SORBS2: variants seen among roughly 807,000 people sequenced by gnomAD.
The protein encoded by SORBS2 is sorbin and SH3 domain-containing protein 2.
A neutral mutation model predicts 97.7 loss-of-function variants in SORBS2; 46 were observed. The observed-to-expected ratio is 0.47, with a 90% CI of 0.37 to 0.60. The LOEUF (loss-of-function observed/expected upper bound fraction) is 0.60. Ranked by LOEUF, SORBS2 falls within the 20% of genes least tolerant of loss-of-function variation. The probability of loss-of-function intolerance (pLI) is 0.00; values close to 1 mark genes in which losing one functional copy is unlikely to be tolerated. For missense variants in SORBS2, 1,316 were observed against 1,282.3 expected (o/e 1.03, Z -0.40); for synonymous variants, 476 against 473.4 (o/e 1.01, Z -0.07).
intron 1 of SORBS2, among the ~76,000 whole-genome samples, chr4:185,883,703 T>A (rs2099237975): frequency 6.6e-6 from 1 of 152,182 alleles, no homozygotes; most frequent in African/African-American, 2.4e-5. Context: ...ACAAATTAAA[T>A]TATCCGGGTG....
At chr4:185,858,806 ATG>A (rs1414730779) in intron 1 of SORBS2, among the ~76,000 whole-genome samples, 1 of 152,248 alleles carries the variant, frequency 6.6e-6, no homozygotes, top group East Asian at 1.9e-4. Flanking sequence ...TATGGAAAAA[ATG>A]TGACAACTTT....
chr4:185,817,685 C>T (rs1203988994), intron 1 of SORBS2, among the ~76,000 whole-genome samples: 1 of 152,298 alleles, frequency 6.6e-6, no homozygotes, highest in Non-Finnish European at 1.5e-5. Context: ...GCAAACAAAA[C>T]CTGGCAAGAA....
At chr4:185,910,706 G>A (rs527385247) in intron 1 of SORBS2, among the ~76,000 whole-genome samples, 27 of 152,116 alleles carry the variant, frequency 1.8e-4, no homozygotes, top group Admixed American at 1.2e-3. Flanking sequence ...CTCCTGAGTC[G>A]CCGAGATGGC....
rs2086715741 is a variant in SORBS2 at position 185,752,826 on chromosome 4, T to G, written c.-198+22401A>C. Among the ~76,000 whole-genome samples the G allele has an allele frequency of 2.0e-5, 3 of 152,234 alleles. No individual in the cohort carries two copies. In the South Asian group the frequency reaches 6.2e-4, roughly 31 times the overall value. On this transcript the variant is annotated intron_variant, in intron 2 of 20. Transcript: ENST00000284776. The stretch of plus-strand genomic sequence containing the variant: ...CAAATTGCTAATGAATTCTGACCCA[T>G]TTAGTCATGCAAAATATATATCCTG...
chr4:185,884,483 A>G (rs894522037), intron 1 of SORBS2, among the ~76,000 whole-genome samples: 3 of 152,178 alleles, frequency 2.0e-5, no homozygotes, highest in Non-Finnish European at 2.9e-5. Context: ...ATTTTTGCTA[A>G]GGGCTCAAAA....
chr4:185,918,951 C>A (rs916194511), intron 1 of SORBS2, among the ~76,000 whole-genome samples: 7 of 152,180 alleles, frequency 4.6e-5, no homozygotes, highest in African/African-American at 1.7e-4. Context: ...ACAGATGCAG[C>A]ATTTGATGTA....
chr4:185,808,605 G>GT (rs2099166497), intron 1 of SORBS2, among the ~76,000 whole-genome samples: 1 of 152,096 alleles, frequency 6.6e-6, no homozygotes, highest in African/African-American at 2.4e-5. Context: ...CCTTACCCAG[G>GT]TACTCAAGTT....
At chr4:185,593,028 A>T (rs183137094) in intron 13 of SORBS2, 91 of 152,360 alleles carry the variant, frequency 6.0e-4, no homozygotes, top group African/African-American at 2.0e-3. Flanking sequence ...ACCAGGTCAT[A>T]TGCCAGGACC....
intron 4 of SORBS2, chr4:185,677,276 G>GT (rs2153498214): frequency 6.4e-7 from 1 of 1,552,074 alleles, no homozygotes; most frequent in African/African-American, 1.4e-5. Flanking sequence ...CTAGATCCTG[G>GT]TTATGGGTTA....
chr4:185,594,285 T>C (rs536198747), intron 12 of SORBS2, among the ~76,000 whole-genome samples: 1 of 152,158 alleles, frequency 6.6e-6, no homozygotes, highest in African/African-American at 2.4e-5. Flanking sequence ...TATAGACACC[T>C]TCATACAACC....
chr4:185,886,321 C>T (rs529794298), intron 1 of SORBS2, among the ~76,000 whole-genome samples: 4 of 151,990 alleles, frequency 2.6e-5, no homozygotes, highest in Non-Finnish European at 4.4e-5. Context: ...TTCAGGAGGC[C>T]GAGGTGGGCA....
At chr4:185,810,145 A>G (rs561965262) in intron 1 of SORBS2, among the ~76,000 whole-genome samples, 15 of 152,248 alleles carry the variant, frequency 9.9e-5, no homozygotes, top group Non-Finnish European at 2.2e-4. Context: ...TTTATCCCCT[A>G]CAACCCGCAT....
chr4:185,875,677 C>T (rs1263510844), intron 1 of SORBS2, among the ~76,000 whole-genome samples: 3 of 152,252 alleles, frequency 2.0e-5, no homozygotes, highest in African/African-American at 7.2e-5. Flanking sequence ...TTGCAGCCCT[C>T]TGCTCCCTTT....
At chr4:185,646,360 T>A (rs1175364255) in intron 4 of SORBS2, 2 of 200,292 alleles carry the variant, frequency 1.0e-5, no homozygotes, top group Non-Finnish European at 2.0e-5. Flanking sequence ...AATATATATA[T>A]GTGTGTGCAT....
chr4:185,723,865 A>C (rs1024374565), intron 2 of SORBS2, among the ~76,000 whole-genome samples: 2 of 152,182 alleles, frequency 1.3e-5, no homozygotes, highest in Non-Finnish European at 2.9e-5. Flanking sequence ...ATATTAATCC[A>C]TGGGCTCCAG....
intron 1 of SORBS2, among the ~76,000 whole-genome samples, chr4:185,780,972 C>G (rs550815378): frequency 6.6e-6 from 1 of 152,198 alleles, no homozygotes; most frequent in Non-Finnish European, 1.5e-5. Context: ...GAGTTTCACT[C>G]TGTCACCCAG....
chr4:185,667,053 C>T (rs748998216), intron 4 of SORBS2, among the ~76,000 whole-genome samples: 12 of 152,214 alleles, frequency 7.9e-5, no homozygotes, highest in Non-Finnish European at 1.8e-4. Flanking sequence ...GCCTGGATGA[C>T]GTTTGACCAC....
At chr4:185,871,248 T>C (rs1304144503) in intron 1 of SORBS2, among the ~76,000 whole-genome samples, 1 of 152,190 alleles carries the variant, frequency 6.6e-6, no homozygotes, top group African/African-American at 2.4e-5. Flanking sequence ...CTTAACAGTG[T>C]ATTTCAAAAT....
intron 6 of SORBS2, among the ~76,000 whole-genome samples, chr4:185,625,595 C>G (rs2096797044): frequency 6.6e-6 from 1 of 152,168 alleles, no homozygotes; most frequent in African/African-American, 2.4e-5. Flanking sequence ...TAACTTTTGG[C>G]TAGTATCCAA....
Sources: allele counts gnomAD v4.1 joint callset (sites outside exome capture counted in the v4.1 genomes callset), GRCh38; gene constraint gnomAD v4.1.1; transcripts MANE v1.5; gene names NCBI Gene and HGNC (gene_info 2026-07-23, HGNC 2026-07-21).